The following METTL6 variants were observed in gnomAD, a reference collection of about 807,000 sequenced individuals.
METTL6 encodes methyltransferase 6, tRNA N3-cytidine.
METTL6 carries 22 observed loss-of-function variants against 26.4 expected under a neutral mutation model. That is an observed-to-expected ratio of 0.83 (90% CI 0.59 to 1.19). The LOEUF (loss-of-function observed/expected upper bound fraction) is 1.19. Among genes scored for constraint, METTL6 ranks in the 50% most tolerant of loss-of-function variants. METTL6 has a pLI of 0.00. For missense variants in METTL6, 304 were observed against 324.8 expected, an observed-to-expected ratio of 0.94 and a Z score of 0.49; for synonymous variants, 109 against 116.2, an observed-to-expected ratio of 0.94 and a Z score of 0.40.
In METTL6 at chr3:15,395,023, G is replaced by A. The variant is rs181685331; in HGVS notation, c.*12-10836C>T. Among the ~76,000 whole-genome samples the A allele has an allele frequency of 2.5e-4, 38 of 152,294 alleles. No individual in the cohort carries two copies. The East Asian group carries it at 6.7e-3, about 27-fold the overall frequency. Reference sequence around the variant, plus strand: ...TGTAGATGTCTATTAGGTCCACTTGGTGCAGAGCTGAGTTCAAGTCCTGGA... The same window carrying A: ...TGTAGATGTCTATTAGGTCCACTTGATGCAGAGCTGAGTTCAAGTCCTGGA... On this transcript the variant is annotated intron_variant, in intron 6 of 6. Transcript: ENST00000443029.
intron 6 of METTL6, among the ~76,000 whole-genome samples, chr3:15,390,994 G>A (rs1213451278): frequency 6.6e-6 from 1 of 152,216 alleles, no homozygotes; most frequent in Non-Finnish European, 1.5e-5. Context: ...GAGTTGAAAA[G>A]GGGATGATGC....
chr3:15,399,543 A>ATT (rs1553626225), intron 6 of METTL6: 1 of 67,410 alleles, frequency 1.5e-5, no homozygotes, highest in East Asian at 6.9e-4. Context: ...TCCAGGAGAA[A>ATT]TTGTGTGTGT....
At chr3:15,406,617 TATATATATATATAGAGAG>T (rs1248900143), downstream of METTL6, among the ~76,000 whole-genome samples, 129 of 46,998 alleles carry the variant, frequency 2.7e-3, no homozygotes, top group African/African-American at 6.5e-3. Context: ...TATATATATA[TATATATATATATAGAGAG>T]AGAGAGAGAG....
intron 3 of METTL6, among the ~76,000 whole-genome samples, chr3:15,424,341 A>T (rs781332922): frequency 1.3e-5 from 2 of 152,206 alleles, no homozygotes; most frequent in Non-Finnish European, 2.9e-5. Flanking sequence ...ATCTTGGCTC[A>T]CTGCAACCTC....
intron 4 of METTL6, chr3:15,414,967 C>T: frequency 9.9e-6 from 11 of 1,112,560 alleles, no homozygotes; most frequent in Non-Finnish European, 1.2e-5. Context: ...AAAGTGTTAT[C>T]CTCATTGAAG....
At chr3:15,387,413 C>T (rs1454119982) in intron 6 of METTL6, among the ~76,000 whole-genome samples, 6 of 152,346 alleles carry the variant, frequency 3.9e-5, no homozygotes, top group Non-Finnish European at 7.3e-5. Flanking sequence ...CCTCCTATCT[C>T]ATCCTGTGAC....
intron 6 of METTL6, among the ~76,000 whole-genome samples, chr3:15,398,590 G>A (rs1699555567): frequency 6.6e-6 from 1 of 152,092 alleles, no homozygotes; most frequent in African/African-American, 2.4e-5. Flanking sequence ...GCTCACACCT[G>A]TAATCCCAAC....
At chr3:15,386,654 T>G (rs1409355763) in intron 6 of METTL6, among the ~76,000 whole-genome samples, 1 of 152,196 alleles carries the variant, frequency 6.6e-6, no homozygotes, top group Non-Finnish European at 1.5e-5. Context: ...GTGTTTCCAT[T>G]ACCAGTCAAG....
intron 6 of METTL6, among the ~76,000 whole-genome samples, chr3:15,389,956 G>T (rs1201733386): frequency 6.6e-6 from 1 of 151,252 alleles, no homozygotes; most frequent in Non-Finnish European, 1.5e-5. Flanking sequence ...GGGCTCAAGG[G>T]ATCCTCCCAA....
chr3:15,392,377 T>C (rs1026839697), intron 6 of METTL6, among the ~76,000 whole-genome samples: 1 of 152,132 alleles, frequency 6.6e-6, no homozygotes, highest in Non-Finnish European at 1.5e-5. Context: ...TTTGAGTTCA[T>C]TGTAGATTCT....
intron 5 of METTL6, among the ~76,000 whole-genome samples, chr3:15,413,132 C>A (rs1700043225): frequency 6.6e-6 from 1 of 152,142 alleles, no homozygotes; most frequent in Non-Finnish European, 1.5e-5. Context: ...GTAATCCTTG[C>A]TACTTGGGAG....
chr3:15,392,171 A>C (rs1699367391), intron 6 of METTL6, among the ~76,000 whole-genome samples: 1 of 152,110 alleles, frequency 6.6e-6, no homozygotes, highest in Non-Finnish European at 1.5e-5. Context: ...TTGTTTCCCG[A>C]CTTTTTAATG....
rs1285120345 is a variant in METTL6 at position 15,393,469 on chromosome 3, A to G, written c.*12-9282T>C. Among the ~76,000 whole-genome samples the G allele has an allele frequency of 2.0e-5, 3 of 152,024 alleles. No individual in the cohort carries two copies. The East Asian group carries it at 5.8e-4, about 29-fold the overall frequency. ...AGCGACAATTTGACTTCCTCTTTTC[A>G]TGATTGAATACCCTTTATTTCTTTC... is the stretch of plus-strand genomic sequence containing the variant. On this transcript the variant is annotated intron_variant, in intron 6 of 6. Coordinates refer to the METTL6 transcript ENST00000443029.
At chr3:15,409,030 A>G (rs1157893466), downstream of METTL6, among the ~76,000 whole-genome samples, 2 of 152,150 alleles carry the variant, frequency 1.3e-5, no homozygotes, top group Admixed American at 1.3e-4. Flanking sequence ...TCTCACTGTG[A>G]GAAGGCCCAT....
chr3:15,391,660 C>G (rs1409555584), intron 6 of METTL6, among the ~76,000 whole-genome samples: 10 of 126,466 alleles, frequency 7.9e-5, no homozygotes, highest in Non-Finnish European at 1.6e-4. Context: ...CCCCCCACCC[C>G]ACAATAGGCC....
chr3:15,391,958 T>G (rs1360310712), intron 6 of METTL6, among the ~76,000 whole-genome samples: 1 of 152,230 alleles, frequency 6.6e-6, no homozygotes, highest in South Asian at 2.1e-4. Flanking sequence ...GCAATAAACA[T>G]ACATGTGCAT....
At position 15,393,926 on chromosome 3, in the gene METTL6, G is replaced by A. The variant is rs552257822; in HGVS notation, c.*12-9739C>T. 1.6e-4 allele frequency among the ~76,000 whole-genome samples: 24 copies of A among 152,172 alleles called. No homozygotes were observed. The South Asian group carries it at 2.1e-3, about 13-fold the overall frequency. ...GTATTTTATTGAGGATTTTTGCATC[G>A]ATGTTCATCAGGGATATTGGTCTAA... On this transcript the variant is annotated intron_variant, in intron 6 of 6. Coordinates refer to the METTL6 transcript ENST00000443029.
chr3:15,407,370 G>C (rs1453888150), downstream of METTL6, among the ~76,000 whole-genome samples: 1 of 152,142 alleles, frequency 6.6e-6, no homozygotes, highest in Non-Finnish European at 1.5e-5. Context: ...CTTTATGGGG[G>C]TTAGAATTTG....
chr3:15,393,394 G>C (rs1264388087), intron 6 of METTL6, among the ~76,000 whole-genome samples: 1 of 152,162 alleles, frequency 6.6e-6, no homozygotes, highest in Non-Finnish European at 1.5e-5. Context: ...AGGAGATTTT[G>C]AGCTGAGATG....
Sources: gnomAD v4.1 joint callset for allele counts (sites outside exome capture counted in the v4.1 genomes callset) on GRCh38, gnomAD v4.1.1 for gene constraint, MANE v1.5 for transcripts, NCBI Gene and HGNC (gene_info 2026-07-23, HGNC 2026-07-21) for gene names.